The following ATG10 variants were observed in gnomAD, a reference collection of about 807,000 sequenced individuals.
ATG10 encodes ubiquitin-like-conjugating enzyme ATG10.
Under a neutral mutation model 32.1 loss-of-function variants are expected in ATG10, and 30 were observed. The observed-to-expected ratio is 0.94, with a 90% CI of 0.70 to 1.27. The LOEUF is 1.27. ATG10 is among the 50% of genes most tolerant of loss of function. The pLI is 0.00. For missense variants in ATG10, 233 were observed against 262.3 expected (o/e 0.89, Z 0.77); for synonymous variants, 87 against 91.5 (o/e 0.95, Z 0.28).
chr5:82,029,840 C>G (rs933027887), intron 2 of ATG10, among the ~76,000 whole-genome samples: 1 of 152,148 alleles, frequency 6.6e-6, no homozygotes, highest in Admixed American at 6.5e-5. Context: ...TTACTTTGTA[C>G]TAGGATCTAT....
chr5:82,239,307 T>A (rs972430622), intron 5 of ATG10, among the ~76,000 whole-genome samples: 3 of 152,172 alleles, frequency 2.0e-5, no homozygotes, highest in African/African-American at 7.2e-5. Context: ...TTAGGCTGTC[T>A]TTGTCTATGC....
At chr5:82,130,973 C>G (rs1766495075) in intron 3 of ATG10, among the ~76,000 whole-genome samples, 1 of 152,110 alleles carries the variant, frequency 6.6e-6, no homozygotes, top group African/African-American at 2.4e-5. Flanking sequence ...AATGCAGGAA[C>G]AGAAAACCAA....
intron 5 of ATG10, among the ~76,000 whole-genome samples, chr5:82,216,423 A>C (rs965274910): frequency 6.6e-6 from 1 of 152,204 alleles, no homozygotes; most frequent in African/African-American, 2.4e-5. Context: ...ATTAACTTAC[A>C]TCCAGACTTT....
At chr5:82,018,836 C>A (rs1762361909) in intron 2 of ATG10, among the ~76,000 whole-genome samples, 1 of 152,220 alleles carries the variant, frequency 6.6e-6, no homozygotes, top group South Asian at 2.1e-4. Context: ...CAGCCTCACT[C>A]TGGCACTCCT....
rs1354583179 is a variant in ATG10, at chr5:82,002,512, G to A, written c.108+14834G>A. ...TTGCAGCAACATGGATGGAACTAGAGGGCATTATCCTAAGTGAAGTAACAC... is the reference window on the plus strand; with the variant it reads ...TTGCAGCAACATGGATGGAACTAGAAGGCATTATCCTAAGTGAAGTAACAC... On this transcript the variant is annotated intron_variant, in intron 2 of 7. Coordinates refer to ENST00000282185, the MANE Select transcript of ATG10 (RefSeq NM_031482.5). 5.3e-5 allele frequency among the ~76,000 whole-genome samples: 8 copies of A among 152,264 alleles called. No individual in the cohort carries two copies. The East Asian group carries it at 1.5e-3, about 29-fold the overall frequency.
chr5:82,195,745 T>C (rs1744828831), intron 5 of ATG10, among the ~76,000 whole-genome samples: 1 of 152,224 alleles, frequency 6.6e-6, no homozygotes, highest in South Asian at 2.1e-4. Flanking sequence ...AACATTCCAT[T>C]ATAATAGATA....
intron 2 of ATG10, among the ~76,000 whole-genome samples, chr5:82,048,929 A>G (rs906530359): frequency 1.3e-5 from 2 of 151,630 alleles, no homozygotes; most frequent in African/African-American, 2.4e-5. Flanking sequence ...GAGAAATAGG[A>G]ACACTTTTAC....
chr5:82,181,557 G>T (rs112236720), intron 5 of ATG10, among the ~76,000 whole-genome samples: 2 of 152,110 alleles, frequency 1.3e-5, no homozygotes, highest in African/African-American at 4.8e-5. Context: ...AGGGGGAGAA[G>T]ATGATACAGC....
chr5:81,972,253 G>T lies in ATG10; in HGVS notation c.-66G>T, dbSNP rs917562553. On this transcript the variant is annotated 5_prime_UTR_variant, in exon 1 of 8. Coordinates refer to ENST00000282185, the MANE Select transcript of ATG10 (RefSeq NM_031482.5). ...CCCCAGCTCTCCTCCCCCTGGCCCC[G>T]TCGCCCCGCCCTCGCCGGGCTGGGC... The T allele has an allele frequency of 1.3e-5, 2 of 152,466 alleles. No homozygotes were observed. The highest frequency in any genetic ancestry group is 2.9e-5 in the Non-Finnish European group (2 of 68,206). The allele number at this position is 152,466 out of a possible 1,614,324, so 9.4% of individuals were successfully genotyped here.
At chr5:82,169,181 G>C (rs1393465112) in intron 4 of ATG10, among the ~76,000 whole-genome samples, 1 of 152,134 alleles carries the variant, frequency 6.6e-6, no homozygotes, top group East Asian at 1.9e-4. Context: ...AGAGATAATG[G>C]TTAGGAAGGG....
intron 3 of ATG10, among the ~76,000 whole-genome samples, chr5:82,109,560 A>T (rs1765547390): frequency 6.6e-6 from 1 of 151,864 alleles, no homozygotes; most frequent in South Asian, 2.1e-4. Context: ...TCTTGTCTTT[A>T]TTACTTTTTA....
At chr5:82,030,204 A>G (rs1056020169) in intron 2 of ATG10, among the ~76,000 whole-genome samples, 4 of 152,196 alleles carry the variant, frequency 2.6e-5, no homozygotes, top group Non-Finnish European at 5.9e-5. Context: ...TTTGTGGGAA[A>G]GCTGAAGAAT....
At chr5:82,062,458 G>C (rs1285588746) in intron 3 of ATG10, among the ~76,000 whole-genome samples, 2 of 152,142 alleles carry the variant, frequency 1.3e-5, no homozygotes, top group Non-Finnish European at 2.9e-5. Context: ...TACTAGTATT[G>C]TAACCTTGAG....
chr5:81,989,121 A>C (rs1761379703), intron 2 of ATG10, among the ~76,000 whole-genome samples: 1 of 152,182 alleles, frequency 6.6e-6, no homozygotes. Flanking sequence ...GAGCCACCAC[A>C]CTTGGCCTCT....
At chr5:81,983,331 G>A (rs1236438540) in intron 1 of ATG10, among the ~76,000 whole-genome samples, 4 of 148,562 alleles carry the variant, frequency 2.7e-5, no homozygotes, top group African/African-American at 7.5e-5. Flanking sequence ...ACTGGGCAGA[G>A]GGGCTCCTCA....
At chr5:82,049,316 C>T (rs1763326528) in intron 2 of ATG10, among the ~76,000 whole-genome samples, 1 of 147,178 alleles carries the variant, frequency 6.8e-6, no homozygotes, top group Non-Finnish European at 1.5e-5. Context: ...CCAAACACTG[C>T]ATATTCTCAC....
At chr5:82,185,172 C>A (rs902721869) in intron 5 of ATG10, among the ~76,000 whole-genome samples, 8 of 152,200 alleles carry the variant, frequency 5.3e-5, no homozygotes, top group Admixed American at 2.0e-4. Context: ...CTCTCTAAGC[C>A]CCTGCTTTCC....
At chr5:82,014,831 A>T (rs988633577) in intron 2 of ATG10, among the ~76,000 whole-genome samples, 1 of 152,158 alleles carries the variant, frequency 6.6e-6, no homozygotes, top group African/African-American at 2.4e-5. Flanking sequence ...ATTTACATTT[A>T]AGGTTAATAC....
chr5:82,003,484 A>G (rs1481310323), intron 2 of ATG10, among the ~76,000 whole-genome samples: 1 of 152,226 alleles, frequency 6.6e-6, no homozygotes, highest in African/African-American at 2.4e-5. Context: ...ATCAAAGACA[A>G]GTTAGCTAGT....
Sources: gnomAD v4.1 joint callset for allele counts (sites outside exome capture counted in the v4.1 genomes callset) on GRCh38, gnomAD v4.1.1 for gene constraint, MANE v1.5 for transcripts, NCBI Gene and HGNC (gene_info 2026-07-23, HGNC 2026-07-21) for gene names.